Variants in TFDP2 observed in about 807,000 individuals in gnomAD.
The protein encoded by TFDP2 is transcription factor Dp-2 (E2F dimerization partner 2).
A neutral mutation model predicts 59.3 loss-of-function variants in TFDP2; 17 were observed. The ratio of observed to expected loss-of-function variants is 0.29; its 90% CI spans 0.20 to 0.43. TFDP2 has a LOEUF of 0.43. Ranked by LOEUF, TFDP2 falls within the 20% of genes least tolerant of loss-of-function variation. The probability of loss-of-function intolerance (pLI) is 1.00; values close to 1 mark genes in which losing one functional copy is unlikely to be tolerated. For missense variants in TFDP2, 391 were observed against 528.8 expected, an observed-to-expected ratio of 0.74 and a Z score of 2.56; for synonymous variants, 180 against 194.7, an observed-to-expected ratio of 0.92 and a Z score of 0.63.
At chr3:141,971,569 T>C (rs943712774) in intron 8 of TFDP2, among the ~76,000 whole-genome samples, 1 of 150,440 alleles carries the variant, frequency 6.6e-6, no homozygotes, top group African/African-American at 2.4e-5. Flanking sequence ...AAAAAGAAAA[T>C]TTATAGGAGC....
rs905882548 is a variant in TFDP2, at chr3:141,946,142, T to C, written c.*6371A>G. Reference sequence around the variant, plus strand: ...TGGCCCTCACGGAGGGAAGAAGCTCTGGGTTTTGGTGCAGGCTCTGCCACA... The same window carrying C: ...TGGCCCTCACGGAGGGAAGAAGCTCCGGGTTTTGGTGCAGGCTCTGCCACA... On this transcript the variant is annotated 3_prime_UTR_variant, in exon 13 of 13. Coordinates refer to ENST00000489671, the MANE Select transcript of TFDP2 (RefSeq NM_001178139.2). 6 of 152,308 alleles carry C rather than the reference T, an allele frequency of 3.9e-5. No individual in the cohort carries two copies. Among genetic ancestry groups the C allele is most frequent in the Non-Finnish European group, 8.8e-5 (6 of 68,106 alleles). 9.4% of individuals were successfully genotyped at this position (152,308 alleles called of 1,614,324 possible). A position where few individuals can be genotyped will look rare whatever the true frequency, so the allele number is the denominator to read the frequency against.
chr3:142,083,882 A>G (rs931949910), intron 3 of TFDP2, among the ~76,000 whole-genome samples: 1 of 152,208 alleles, frequency 6.6e-6, no homozygotes, highest in Non-Finnish European at 1.5e-5. Flanking sequence ...TAAATCTAAG[A>G]CCTCAATCTA....
intron 2 of TFDP2, among the ~76,000 whole-genome samples, chr3:142,099,912 TC>T: frequency 6.6e-6 from 1 of 152,244 alleles, no homozygotes; most frequent in South Asian, 2.1e-4. Flanking sequence ...AACAGCACAG[TC>T]ATTTACCCAG....
At chr3:142,055,039 G>T (rs1014648539) in intron 3 of TFDP2, among the ~76,000 whole-genome samples, 1 of 152,156 alleles carries the variant, frequency 6.6e-6, no homozygotes, top group East Asian at 1.9e-4. Context: ...TATTGGAAAA[G>T]TCATCACAGA....
intron 2 of TFDP2, among the ~76,000 whole-genome samples, chr3:142,096,723 T>C (rs899657683): frequency 6.6e-6 from 1 of 152,220 alleles, no homozygotes; most frequent in Non-Finnish European, 1.5e-5. Context: ...ATTTCATTGA[T>C]ATTCAACATT....
chr3:142,143,943 T>G (rs2063055229), intron 1 of TFDP2, among the ~76,000 whole-genome samples: 1 of 152,224 alleles, frequency 6.6e-6, no homozygotes, highest in African/African-American at 2.4e-5. Flanking sequence ...TGAAGAGATA[T>G]CTGCATTCCT....
At chr3:142,083,111 GA>G (rs1233200096) in intron 3 of TFDP2, among the ~76,000 whole-genome samples, 1 of 152,066 alleles carries the variant, frequency 6.6e-6, no homozygotes, top group Non-Finnish European at 1.5e-5. Flanking sequence ...ATTACATTTT[GA>G]AAAATCTAGA....
chr3:142,116,820 T>C (rs946340476), intron 1 of TFDP2, among the ~76,000 whole-genome samples: 1 of 152,220 alleles, frequency 6.6e-6, no homozygotes, highest in African/African-American at 2.4e-5. Context: ...TTTTTACTAA[T>C]TTTATATTCC....
At chr3:141,979,262 C>T (rs1300714654) in intron 6 of TFDP2, among the ~76,000 whole-genome samples, 3 of 152,114 alleles carry the variant, frequency 2.0e-5, no homozygotes, top group African/African-American at 4.8e-5. Flanking sequence ...CTCTGCCAGT[C>T]CTATAAAAGT....
At chr3:141,997,561 A>G (rs1215693957) in intron 4 of TFDP2, among the ~76,000 whole-genome samples, 1 of 152,044 alleles carries the variant, frequency 6.6e-6, no homozygotes, top group East Asian at 1.9e-4. Flanking sequence ...TGTAGAAAAA[A>G]AAAAGGAGCT....
intron 3 of TFDP2, among the ~76,000 whole-genome samples, chr3:142,042,629 TC>T (rs369618817): frequency 0.011 from 932 of 85,032 alleles, 11 homozygotes; most frequent in African/African-American, 0.052. Context: ...TCTTTTCTTT[TC>T]TTTTTTTTTT....
intron 2 of TFDP2, among the ~76,000 whole-genome samples, chr3:142,101,369 A>AT (rs2061314012): frequency 6.6e-6 from 1 of 152,010 alleles, no homozygotes; most frequent in African/African-American, 2.4e-5. Flanking sequence ...AAAAAAAAAA[A>AT]AAAAATAAGC....
chr3:142,065,204 C>T (rs2060034106), intron 3 of TFDP2, among the ~76,000 whole-genome samples: 1 of 151,544 alleles, frequency 6.6e-6, no homozygotes, highest in South Asian at 2.1e-4. Context: ...GGCTAGAGTG[C>T]AATGGTGTGA....
At chr3:142,095,764 C>G (rs1276817955) in intron 2 of TFDP2, among the ~76,000 whole-genome samples, 4 of 152,178 alleles carry the variant, frequency 2.6e-5, no homozygotes, top group African/African-American at 9.7e-5. Context: ...ACTCCCCCCT[C>G]CTTTTTAAAC....
chr3:142,119,481 A>T (rs1288792461), intron 1 of TFDP2, among the ~76,000 whole-genome samples: 2 of 152,248 alleles, frequency 1.3e-5, no homozygotes, highest in Non-Finnish European at 2.9e-5. Context: ...AGCTGTCCTT[A>T]GAGTTTCAAG....
chr3:141,959,434 G>A (rs1054991545), intron 11 of TFDP2, among the ~76,000 whole-genome samples: 11 of 152,142 alleles, frequency 7.2e-5, no homozygotes, highest in African/African-American at 2.2e-4. Context: ...TCAGTGCTGA[G>A]TGAGCCAATT....
intron 3 of TFDP2, among the ~76,000 whole-genome samples, chr3:142,070,516 A>G (rs73232673): frequency 0.085 from 12,865 of 151,914 alleles, 687 homozygotes; most frequent in Middle Eastern, 0.14. Context: ...TTGGGCTCAA[A>G]CAGTTCTCCA....
intron 2 of TFDP2, among the ~76,000 whole-genome samples, chr3:142,099,515 A>C (rs1190516146): frequency 6.6e-6 from 1 of 152,044 alleles, no homozygotes; most frequent in Admixed American, 6.6e-5. Context: ...CAGCCTGACC[A>C]ACATGGAGAA....
intron 2 of TFDP2, among the ~76,000 whole-genome samples, chr3:142,095,516 T>C (rs1052040968): frequency 2.6e-5 from 4 of 152,268 alleles, no homozygotes; most frequent in Admixed American, 2.6e-4. Flanking sequence ...ATCAAATTTT[T>C]ATGACAGTAG....
Sources: allele counts gnomAD v4.1 joint callset (sites outside exome capture counted in the v4.1 genomes callset), GRCh38; gene constraint gnomAD v4.1.1; transcripts MANE v1.5; gene names NCBI Gene and HGNC (gene_info 2026-07-23, HGNC 2026-07-21).